WDR49: variants seen among roughly 807,000 people sequenced by gnomAD.
WDR49 encodes the protein cilia- and flagella-associated protein 337.
In WDR49, 107 loss-of-function variants were observed where a neutral mutation model predicts 119.5. The ratio of observed to expected loss-of-function variants is 0.90; its 90% CI spans 0.77 to 1.05. The LOEUF (loss-of-function observed/expected upper bound fraction) is 1.05. Ranked by LOEUF, WDR49 falls within the 50% of genes least tolerant of loss-of-function variation. The pLI is 0.00. For missense variants in WDR49, 1,240 were observed against 1,220.5 expected, an observed-to-expected ratio of 1.02 and a Z score of -0.24; for synonymous variants, 425 against 418.8, an observed-to-expected ratio of 1.01 and a Z score of -0.18.
chr3:167,529,092 G>A lies in WDR49; in HGVS notation c.2366C>T (p.Thr789Ile), dbSNP rs1752747688. The A allele has an allele frequency of 3.1e-6, 5 of 1,601,472 alleles. No individual in the cohort carries two copies. The highest frequency in any genetic ancestry group is 1.7e-4 in the Middle Eastern group (1 of 5,994). ...STDKMNRYLTTGDLDGWLKIW... is the reference protein window; with the variant it reads ...STDKMNRYLTIGDLDGWLKIW... ...TTTCAACCATCCATCAAGATCTCCT[G>A]TGGTAAGGTATCGATTCATCTTATC... Residue 789 changes from threonine (T) to isoleucine (I), a missense_variant, in exon 14 of 19, where the codon ACA becomes ATA. Transcript: ENST00000682715.
At chr3:167,602,651 A>T (rs1715832599) in intron 6 of WDR49, among the ~76,000 whole-genome samples, 1 of 152,164 alleles carries the variant, frequency 6.6e-6, no homozygotes. Flanking sequence ...AGGCAGTGTT[A>T]AAGTTATCCC....
chr3:167,631,955 T>TTTTTCCCC (rs1481402359), intron 2 of WDR49, among the ~76,000 whole-genome samples: 4 of 152,106 alleles, frequency 2.6e-5, no homozygotes, highest in African/African-American at 9.7e-5. Flanking sequence ...AGGAGTTAAT[T>TTTTTCCCC]ATTCTTATCT....
At chr3:167,648,697 C>A (rs750052255) in intron 2 of WDR49, among the ~76,000 whole-genome samples, 3 of 152,132 alleles carry the variant, frequency 2.0e-5, no homozygotes, top group Non-Finnish European at 4.4e-5. Context: ...TGACTGAGTG[C>A]TGGCCAATGG....
intron 5 of WDR49, among the ~76,000 whole-genome samples, chr3:167,614,395 C>G (rs897798868): frequency 6.6e-6 from 1 of 152,156 alleles, no homozygotes; most frequent in Admixed American, 6.5e-5. Flanking sequence ...CACCTGGCCT[C>G]ATTCTTTCAA....
At chr3:167,548,707 T>C (rs2108260603) in intron 10 of WDR49, among the ~76,000 whole-genome samples, 1 of 152,244 alleles carries the variant, frequency 6.6e-6, no homozygotes, top group East Asian at 1.9e-4. Context: ...TTAATTATTA[T>C]TATACTTTAA....
At chr3:167,570,050 A>T in intron 8 of WDR49, among the ~76,000 whole-genome samples, 1 of 152,102 alleles carries the variant, frequency 6.6e-6, no homozygotes, top group Middle Eastern at 3.2e-3. Context: ...GTTTCCATCA[A>T]GTGACTACAG....
At chr3:167,603,941 A>G (rs1715905485) in intron 6 of WDR49, among the ~76,000 whole-genome samples, 1 of 152,058 alleles carries the variant, frequency 6.6e-6, no homozygotes, top group South Asian at 2.1e-4. Context: ...TAGTAGTAGC[A>G]ACGAAAAAAT....
At chr3:167,508,867 AT>A (rs1369224950) in intron 16 of WDR49, among the ~76,000 whole-genome samples, 2 of 152,140 alleles carry the variant, frequency 1.3e-5, no homozygotes, top group Non-Finnish European at 1.5e-5. Flanking sequence ...TATTTTGTGT[AT>A]TTTTTCTTAT....
At chr3:167,550,598 T>C (rs1290873357) in intron 10 of WDR49, among the ~76,000 whole-genome samples, 1 of 152,004 alleles carries the variant, frequency 6.6e-6, no homozygotes, top group Non-Finnish European at 1.5e-5. Flanking sequence ...TTAATTAGTT[T>C]GATTTAATCA....
rs75919012 is a variant in WDR49, at chr3:167,566,816, G to T, written c.1510-6588C>A. The T allele has an allele frequency of 8.7e-4, 555 of 634,814 alleles. 7 individuals are homozygous for T. The highest frequency in any genetic ancestry group is 7.7e-3 in the African/African-American group (419 of 54,718). The allele number at this position is 634,814 out of a possible 1,614,324, so 39.3% of individuals were successfully genotyped here. On this transcript the variant is annotated intron_variant, in intron 8 of 18. Coordinates refer to ENST00000682715, the MANE Select transcript of WDR49 (RefSeq NM_001366157.1). ...GTTATTAAGAAAATTATAAGAAAGA[G>T]AAAATATACTTACTATTTATTGAGT...
At chr3:167,538,509 G>A (rs1477875640) in intron 10 of WDR49, among the ~76,000 whole-genome samples, 5 of 152,034 alleles carry the variant, frequency 3.3e-5, no homozygotes, top group East Asian at 3.9e-4. Flanking sequence ...TTGTAACAGC[G>A]TACTGACAAA....
chr3:167,531,376 C>G (rs868756555), intron 12 of WDR49, 97 bp from the exon 13 acceptor site: 3 of 1,322,210 alleles, frequency 2.3e-6, no homozygotes, highest in African/African-American at 1.5e-5. Flanking sequence ...ATCACTATAT[C>G]CATTGACTCC....
In WDR49 at chr3:167,603,494, AT is replaced by A. The variant is rs1305860696; in HGVS notation, c.1126+806del. Among the ~76,000 whole-genome samples the A allele has an allele frequency of 3.3e-5, 5 of 152,250 alleles. No individual in the cohort carries two copies. In the East Asian group the frequency reaches 9.7e-4, roughly 29 times the overall value. ...GTGATTGTCAGGTATTATTTTGGGA[AT>A]TTTATGGACACAGCTCCTTAGCTAA... On this transcript the variant is annotated intron_variant, in intron 6 of 18. Coordinates refer to ENST00000682715, the MANE Select transcript of WDR49 (RefSeq NM_001366157.1).
chr3:167,621,482 C>G lies in WDR49; in HGVS notation c.768G>C (p.Gly256=). 8 of 1,531,398 alleles carry G rather than the reference C, an allele frequency of 5.2e-6. No individual in the cohort carries two copies. The highest frequency in any genetic ancestry group is 7.0e-6 in the Non-Finnish European group (8 of 1,144,368). The allele number at this position is 1,531,398 out of a possible 1,614,324, so 94.9% of individuals were successfully genotyped here. The stretch of plus-strand genomic sequence containing the variant: ...CCTCACTTACCTTTCCAGTTATATC[C>G]CCAAAAGAAAGAATTGATTCATTGG... ...LDANESILSF[G]DITGKVQAIA... Residue 256 remains glycine, a synonymous_variant, in exon 4 of 19, where the codon GGG becomes GGC. Coordinates refer to ENST00000682715, the MANE Select transcript of WDR49 (RefSeq NM_001366157.1).
chr3:167,643,232 C>T (rs939896464), intron 2 of WDR49, among the ~76,000 whole-genome samples: 7 of 151,958 alleles, frequency 4.6e-5, no homozygotes, highest in Admixed American at 2.6e-4. Context: ...AGGGACCCAA[C>T]GTATAGCATC....
intron 15 of WDR49, among the ~76,000 whole-genome samples, chr3:167,526,030 A>T (rs1390943069): frequency 6.6e-6 from 1 of 151,698 alleles, no homozygotes; most frequent in Non-Finnish European, 1.5e-5. Context: ...AATAAAAATT[A>T]AAAAAAAGAA....
intron 7 of WDR49, among the ~76,000 whole-genome samples, chr3:167,581,110 AG>A (rs1211010141): frequency 6.6e-6 from 1 of 152,200 alleles, no homozygotes; most frequent in African/African-American, 2.4e-5. Context: ...TAGATTAACA[AG>A]AATAAGCACC....
upstream of WDR49, among the ~76,000 whole-genome samples, chr3:167,655,911 A>C (rs200777160): frequency 2.2e-3 from 341 of 151,674 alleles, no homozygotes; most frequent in African/African-American, 4.7e-3. Context: ...CTCTCTCTCT[A>C]TCTCTCTCTC....
intron 4 of WDR49, 30 bp from the exon 5 acceptor site, chr3:167,620,633 C>A (rs1172293859): frequency 2.7e-6 from 4 of 1,505,210 alleles, no homozygotes; most frequent in South Asian, 1.2e-5. Context: ...GAACAACAAT[C>A]GTGGACGGGA....
Sources: allele counts gnomAD v4.1 joint callset (sites outside exome capture counted in the v4.1 genomes callset), GRCh38; gene constraint gnomAD v4.1.1; transcripts MANE v1.5; gene names NCBI Gene and HGNC (gene_info 2026-07-23, HGNC 2026-07-21).